The following SEMA3C variants were observed in gnomAD, a reference collection of about 807,000 sequenced individuals.
SEMA3C encodes the protein semaphorin 3C.
In SEMA3C, 47 loss-of-function variants were observed where a neutral mutation model predicts 89.4. That is an observed-to-expected ratio of 0.53 (90% CI 0.42 to 0.67). The LOEUF (loss-of-function observed/expected upper bound fraction) is 0.67, where lower values mean the gene tolerates loss of function less well. Among genes scored for constraint, SEMA3C ranks in the 30% least tolerant of loss-of-function variants. The probability of loss-of-function intolerance (pLI) is 0.00; values close to 1 mark genes in which losing one functional copy is unlikely to be tolerated. For synonymous variants in SEMA3C, 310 were observed against 320.2 expected (o/e 0.97, Z 0.34); for missense variants, 839 against 929.1 (o/e 0.90, Z 1.26).
intron 2 of SEMA3C, among the ~76,000 whole-genome samples, chr7:80,830,397 T>C (rs1789983113): frequency 6.6e-6 from 1 of 152,162 alleles, no homozygotes; most frequent in Admixed American, 6.6e-5. Context: ...TAATTACTGT[T>C]ATTAAGTTTG....
At chr7:80,786,047 G>A (rs932693148) in intron 12 of SEMA3C, among the ~76,000 whole-genome samples, 12 of 152,236 alleles carry the variant, frequency 7.9e-5, no homozygotes, top group African/African-American at 2.7e-4. Flanking sequence ...GTAAGATGCT[G>A]TTGGCAGGGG....
chr7:80,798,038 G>C, intron 11 of SEMA3C, 54 bp downstream of exon 11: 9 of 1,524,344 alleles, frequency 5.9e-6, no homozygotes, highest in Non-Finnish European at 7.9e-6. Flanking sequence ...TTCATTACCT[G>C]TTAAATGAGT....
At chr7:80,866,714 T>G (rs1790934860) in intron 2 of SEMA3C, among the ~76,000 whole-genome samples, 1 of 152,158 alleles carries the variant, frequency 6.6e-6, no homozygotes, top group Non-Finnish European at 1.5e-5. Context: ...TTCTTACAAC[T>G]TAATAGTAAT....
intron 5 of SEMA3C, among the ~76,000 whole-genome samples, chr7:80,817,821 T>C (rs1395467912): frequency 6.6e-6 from 1 of 152,152 alleles, no homozygotes; most frequent in Admixed American, 6.5e-5. Flanking sequence ...TACAGATATA[T>C]ATTTATAAAA....
chr7:80,811,979 G>A (rs1262527509), intron 5 of SEMA3C, among the ~76,000 whole-genome samples: 1 of 152,110 alleles, frequency 6.6e-6, no homozygotes, highest in Non-Finnish European at 1.5e-5. Flanking sequence ...CATCCTGAAA[G>A]GATACATCTA....
At chr7:80,825,124 T>C (rs910286898) in intron 4 of SEMA3C, among the ~76,000 whole-genome samples, 4 of 152,178 alleles carry the variant, frequency 2.6e-5, no homozygotes, top group Admixed American at 2.6e-4. Context: ...GTAAGAAGGA[T>C]AGGTTGTTCT....
At chr7:80,779,901 CA>C (rs1788654560) in intron 12 of SEMA3C, among the ~76,000 whole-genome samples, 1 of 152,156 alleles carries the variant, frequency 6.6e-6, no homozygotes, top group Non-Finnish European at 1.5e-5. Context: ...GATCTATGTG[CA>C]AAAACCTGTG....
At chr7:80,814,008 A>G (rs1789535933) in intron 5 of SEMA3C, among the ~76,000 whole-genome samples, 1 of 151,998 alleles carries the variant, frequency 6.6e-6, no homozygotes, top group South Asian at 2.1e-4. Flanking sequence ...ATGTTTTTAC[A>G]ATGACTTATT....
chr7:80,844,304 T>C (rs1790339275), intron 2 of SEMA3C, among the ~76,000 whole-genome samples: 1 of 152,214 alleles, frequency 6.6e-6, no homozygotes, highest in African/African-American at 2.4e-5. Context: ...ATCTGACCAA[T>C]TGTCATATTA....
intron 13 of SEMA3C, among the ~76,000 whole-genome samples, chr7:80,764,586 CT>C (rs1562864697): frequency 6.6e-6 from 1 of 151,126 alleles, no homozygotes; most frequent in Admixed American, 6.6e-5. Flanking sequence ...TCCTTTTTTT[CT>C]TTTTTTATCC....
At chr7:80,863,350 A>C (rs986506475) in intron 2 of SEMA3C, among the ~76,000 whole-genome samples, 18 of 151,878 alleles carry the variant, frequency 1.2e-4, no homozygotes, top group South Asian at 1.0e-3. Flanking sequence ...AAAAAAAAAA[A>C]AAAACAGTAG....
chr7:80,754,966 T>TTTGTTTTTTTTG (rs369121267), intron 15 of SEMA3C, among the ~76,000 whole-genome samples: 3 of 139,038 alleles, frequency 2.2e-5, no homozygotes, highest in African/African-American at 2.6e-5. Context: ...TGTTTTTTTT[T>TTTGTTTTTTTTG]TTTTTGTATT....
chr7:80,817,996 A>AG lies in SEMA3C; in HGVS notation c.447+302dup, dbSNP rs201819591. 5.2e-3 allele frequency among the ~76,000 whole-genome samples: 798 copies of AG among 152,144 alleles called. 45 individuals are homozygous for AG. Among genetic ancestry groups the AG allele is most frequent in the Admixed American group, 0.048 (734 of 15,250 alleles). ...TCTTTTACAGCTTTACAAATAAAAT[A>AG]GATATACTAAAAATATATACATATA... is the stretch of plus-strand genomic sequence containing the variant. On this transcript the variant is annotated intron_variant, in intron 5 of 17. Coordinates refer to ENST00000265361, the MANE Select transcript of SEMA3C (RefSeq NM_006379.5).
intron 2 of SEMA3C, among the ~76,000 whole-genome samples, chr7:80,855,792 T>A (rs1416346694): frequency 2.0e-5 from 3 of 152,168 alleles, no homozygotes; most frequent in Non-Finnish European, 2.9e-5. Context: ...TAATTTGCCT[T>A]CTTTGAAATA....
intron 2 of SEMA3C, among the ~76,000 whole-genome samples, chr7:80,845,258 C>A (rs552974579): frequency 6.6e-6 from 1 of 152,216 alleles, no homozygotes; most frequent in Non-Finnish European, 1.5e-5. Flanking sequence ...GTAAACATTT[C>A]TGTAGATACT....
At position 80,800,819 on chromosome 7, in the gene SEMA3C, C is replaced by G; in HGVS notation, c.924G>C (p.Val308=). 6.6e-7 allele frequency: 1 copy of G among 1,510,802 alleles called. No homozygotes were observed. Among genetic ancestry groups the G allele is most frequent in the South Asian group, 1.3e-5 (1 of 75,112 alleles). The allele number at this position is 1,510,802 out of a possible 1,614,324, so 93.6% of individuals were successfully genotyped here. A position where few individuals can be genotyped will look rare whatever the true frequency, so the allele number is the denominator to read the frequency against. ...TCGGGTTATCAGTTTCCAGCAGAAA[C>G]ACATCCTCTATAAAAAGGAAAATAT... ...PETHFDELED[V]FLLETDNPRT... The change falls in exon 10 of 18, where the codon GTG becomes GTC. Residue 308 remains valine, a synonymous_variant. Coordinates refer to ENST00000265361, the MANE Select transcript of SEMA3C (RefSeq NM_006379.5).
chr7:80,919,610 A>G (rs578112584), upstream of SEMA3C, among the ~76,000 whole-genome samples: 1 of 148,768 alleles, frequency 6.7e-6, no homozygotes, highest in African/African-American at 2.5e-5. Flanking sequence ...TTGGAGAGGG[A>G]ATCTCACTCT....
intron 2 of SEMA3C, among the ~76,000 whole-genome samples, chr7:80,899,462 T>C (rs992792791): frequency 2.6e-5 from 4 of 152,264 alleles, no homozygotes; most frequent in Non-Finnish European, 4.4e-5. Context: ...CCTTGTTTTA[T>C]GACTTTAACT....
chr7:80,787,285 G>A (rs1321257469), intron 12 of SEMA3C, among the ~76,000 whole-genome samples: 1 of 151,630 alleles, frequency 6.6e-6, no homozygotes, highest in Non-Finnish European at 1.5e-5. Flanking sequence ...CCAGCAACTT[G>A]GGAGGCTGAA....
Sources: allele counts gnomAD v4.1 joint callset (sites outside exome capture counted in the v4.1 genomes callset), GRCh38; gene constraint gnomAD v4.1.1; transcripts MANE v1.5; gene names NCBI Gene and HGNC (gene_info 2026-07-23, HGNC 2026-07-21).